Variants in CTNNA2 observed in about 807,000 individuals in gnomAD.
CTNNA2 encodes the protein catenin alpha 2.
In CTNNA2, 42 loss-of-function variants were observed where a neutral mutation model predicts 101.0. The observed-to-expected ratio is 0.42, with a 90% CI of 0.32 to 0.54. The LOEUF (loss-of-function observed/expected upper bound fraction) is 0.54, where lower values mean the gene tolerates loss of function less well. Among genes scored for constraint, CTNNA2 ranks in the 20% least tolerant of loss-of-function variants. CTNNA2 has a pLI of 0.14. For synonymous variants in CTNNA2, 450 were observed against 456.4 expected, an observed-to-expected ratio of 0.99 and a Z score of 0.18; for missense variants, 871 against 1,223.1, an observed-to-expected ratio of 0.71 and a Z score of 4.29.
rs1264493729 is a variant in CTNNA2 at position 79,983,134 on chromosome 2, G to GTA, written c.1056+73351_1056+73352dup. On this transcript the variant is annotated intron_variant, in intron 7 of 18. Coordinates refer to ENST00000402739, the MANE Select transcript of CTNNA2 (RefSeq NM_001282597.3). ...AGTCAACAGTTTTATATATATATGT[G>GTA]TATATATATATATATTTTGTATATC... Among the ~76,000 whole-genome samples the GTA allele has an allele frequency of 4.8e-3, 703 of 146,818 alleles. 4 individuals carry two copies. The highest frequency in any genetic ancestry group is 0.013 in the African/African-American group (533 of 40,312).
intron 7 of CTNNA2, among the ~76,000 whole-genome samples, chr2:80,279,713 A>G (rs762627185): frequency 1.3e-5 from 2 of 152,110 alleles, no homozygotes; most frequent in Non-Finnish European, 2.9e-5. Flanking sequence ...CCTGCATGGT[A>G]TTACATAGAA....
chr2:80,344,491 T>G (rs1672538637), intron 7 of CTNNA2, among the ~76,000 whole-genome samples: 1 of 152,170 alleles, frequency 6.6e-6, no homozygotes, highest in African/African-American at 2.4e-5. Flanking sequence ...AATCTTAACA[T>G]TCCCAAATGT....
At chr2:79,260,967 C>T (rs1273538393) in intron 2 of CTNNA2, among the ~76,000 whole-genome samples, 1 of 152,196 alleles carries the variant, frequency 6.6e-6, no homozygotes, top group East Asian at 1.9e-4. Flanking sequence ...CAAATGAGCA[C>T]TGGCAGCACT....
intron 3 of CTNNA2, among the ~76,000 whole-genome samples, chr2:79,746,573 C>G (rs1292112972): frequency 6.6e-6 from 1 of 152,148 alleles, no homozygotes; most frequent in East Asian, 1.9e-4. Flanking sequence ...TTGTTACTTC[C>G]CTTTCCTTCC....
intron 3 of CTNNA2, among the ~76,000 whole-genome samples, chr2:79,357,475 A>G (rs1677533319): frequency 6.6e-6 from 1 of 152,156 alleles, no homozygotes; most frequent in Non-Finnish European, 1.5e-5. Flanking sequence ...AAAGAACATA[A>G]AAGACATATA....
intron 7 of CTNNA2, among the ~76,000 whole-genome samples, chr2:80,287,896 A>G (rs1450530354): frequency 6.6e-6 from 1 of 152,234 alleles, no homozygotes; most frequent in Non-Finnish European, 1.5e-5. Flanking sequence ...CTCAAAGTTC[A>G]GCACCAGGTA....
intron 7 of CTNNA2, among the ~76,000 whole-genome samples, chr2:80,282,500 G>C (rs149031803): frequency 9.2e-5 from 14 of 152,146 alleles, no homozygotes; most frequent in Admixed American, 3.9e-4. Flanking sequence ...GAAGTAGATA[G>C]AATAATACAA....
intron 3 of CTNNA2, among the ~76,000 whole-genome samples, chr2:79,830,884 G>T (rs1678877111): frequency 6.6e-6 from 1 of 152,160 alleles, no homozygotes; most frequent in South Asian, 2.1e-4. Flanking sequence ...TTCAGTGCCT[G>T]CCAGAAAACT....
intron 9 of CTNNA2, among the ~76,000 whole-genome samples, chr2:80,537,171 C>G (rs539498592): frequency 6.6e-6 from 1 of 152,152 alleles, no homozygotes; most frequent in South Asian, 2.1e-4. Context: ...TGAGAACATG[C>G]AGTGTTTGGT....
Position 80,574,275 on chromosome 2 carries a change from T to C in CTNNA2, c.1854T>C (p.Asp618=), listed in dbSNP as rs1428218765. The change falls in exon 13 of 19, where the codon GAT becomes GAC. Residue 618 remains aspartate, a synonymous_variant. Transcript: ENST00000402739. Reference sequence around the variant, plus strand: ...TCGATGCCTCTCGCCTGGTGTATGATGGCGTTCGGGACATCAGAAAGGCTG... The same window carrying C: ...TCGATGCCTCTCGCCTGGTGTATGACGGCGTTCGGGACATCAGAAAGGCTG... The part of the protein sequence containing the change: ...EFIDASRLVY[D]GVRDIRKAVL... 8 of 1,613,562 alleles carry C rather than the reference T, an allele frequency of 5.0e-6. No individual in the cohort carries two copies. Among genetic ancestry groups the C allele is most frequent in the South Asian group, 4.4e-5 (4 of 91,052 alleles).
At chr2:79,187,293 A>C in intron 1 of CTNNA2, among the ~76,000 whole-genome samples, 1 of 70,782 alleles carries the variant, frequency 1.4e-5, no homozygotes, top group African/African-American at 6.5e-5. Context: ...TTTTTGAGAC[A>C]GAGTCTCACT....
intron 2 of CTNNA2, among the ~76,000 whole-genome samples, chr2:79,224,410 C>A (rs941720661): frequency 1.3e-5 from 2 of 152,078 alleles, no homozygotes; most frequent in African/African-American, 4.8e-5. Context: ...ATATCTATCA[C>A]CCAGGTTCCA....
intron 2 of CTNNA2, among the ~76,000 whole-genome samples, chr2:79,265,853 ATAAAAT>A (rs954072324): frequency 2.0e-5 from 3 of 152,202 alleles, no homozygotes; most frequent in Non-Finnish European, 4.4e-5. Flanking sequence ...GAAAAAAATA[ATAAAAT>A]TAGAATAGGT....
rs2149447128 is a variant in CTNNA2, at chr2:80,444,889, G to T, written c.1290+25288G>T. 1.3e-5 allele frequency among the ~76,000 whole-genome samples: 2 copies of T among 152,160 alleles called. 1 individual carries two copies. The highest frequency in any genetic ancestry group is 6.8e-3 in the Middle Eastern group (2 of 294). On this transcript the variant is annotated intron_variant, in intron 9 of 18. Transcript: ENST00000402739. ...AGACTGTAGTATGACACTTGTTATG[G>T]CAGCCCAAGCAGGCTAAGCTGTTTA...
chr2:80,304,071 C>A, intron 7 of CTNNA2: 1 of 404,808 alleles, frequency 2.5e-6, no homozygotes, highest in Non-Finnish European at 4.4e-6. Context: ...TGATTTGGTC[C>A]ATGTTAGATG....
chr2:80,169,121 A>C (rs1028351593), intron 7 of CTNNA2, among the ~76,000 whole-genome samples: 1 of 152,208 alleles, frequency 6.6e-6, no homozygotes, highest in African/African-American at 2.4e-5. Context: ...GACTATCCAA[A>C]TAGCTCCGAG....
At chr2:80,229,644 A>G (rs1420680843) in intron 7 of CTNNA2, among the ~76,000 whole-genome samples, 8 of 152,156 alleles carry the variant, frequency 5.3e-5, no homozygotes, top group Admixed American at 5.2e-4. Context: ...GTCTCATTAC[A>G]TAGGCATGAT....
intron 7 of CTNNA2, among the ~76,000 whole-genome samples, chr2:80,280,860 A>G (rs1444741555): frequency 6.6e-6 from 1 of 152,112 alleles, no homozygotes; most frequent in Non-Finnish European, 1.5e-5. Context: ...ACCATGATGC[A>G]TATAGGGTTT....
intron 9 of CTNNA2, among the ~76,000 whole-genome samples, chr2:80,488,831 C>A (rs138921575): frequency 1.3e-5 from 2 of 152,306 alleles, no homozygotes; most frequent in Admixed American, 6.5e-5. Context: ...ATTAAATTCA[C>A]ATTTCTTAGT....
Sources: allele counts gnomAD v4.1 joint callset (sites outside exome capture counted in the v4.1 genomes callset), GRCh38; gene constraint gnomAD v4.1.1; transcripts MANE v1.5; gene names NCBI Gene and HGNC (gene_info 2026-07-23, HGNC 2026-07-21).